Variants in DCAF6 observed in about 807,000 individuals in gnomAD.
DCAF6 encodes the protein DDB1 and CUL4 associated factor 6.
Under a neutral mutation model 125.1 loss-of-function variants are expected in DCAF6, and 54 were observed. The ratio of observed to expected loss-of-function variants is 0.43; its 90% CI spans 0.35 to 0.54. DCAF6 has a LOEUF of 0.54. Ranked by LOEUF, DCAF6 falls within the 20% of genes least tolerant of loss-of-function variation. The pLI is 0.01. For synonymous variants in DCAF6, 371 were observed against 390.4 expected, an observed-to-expected ratio of 0.95 and a Z score of 0.58; for missense variants, 934 against 1,161.7, an observed-to-expected ratio of 0.80 and a Z score of 2.85.
chr1:167,879,105 G>A, the DCAF6 span, among the ~76,000 whole-genome samples: 22 of 152,212 alleles, frequency 1.4e-4, no homozygotes, highest in African/African-American at 4.1e-4. Flanking sequence ...TAGAAGAGGC[G>A]TGCATGGAGG....
intron 11 of DCAF6, among the ~76,000 whole-genome samples, chr1:168,018,481 C>G (rs1177461033): frequency 3.9e-5 from 6 of 152,174 alleles, no homozygotes; most frequent in Non-Finnish European, 7.3e-5. Context: ...CAAGGAGCGA[C>G]TACCCACCTG....
At chr1:168,011,695 A>G (rs1328825177) in intron 10 of DCAF6, among the ~76,000 whole-genome samples, 2 of 152,286 alleles carry the variant, frequency 1.3e-5, no homozygotes, top group East Asian at 3.9e-4. Flanking sequence ...ACAAGTGGAG[A>G]GACCAGGTGT....
At chr1:168,047,184 A>G (rs1293634396) in intron 16 of DCAF6, among the ~76,000 whole-genome samples, 2 of 152,122 alleles carry the variant, frequency 1.3e-5, no homozygotes, top group East Asian at 3.8e-4. Context: ...TAATCTTTCT[A>G]TAGATCTTTA....
chr1:167,900,580 T>C, the DCAF6 span, among the ~76,000 whole-genome samples: 1 of 152,242 alleles, frequency 6.6e-6, no homozygotes, highest in Non-Finnish European at 1.5e-5. Flanking sequence ...TTGCCCAGGC[T>C]GGAGTGCAAT....
chr1:168,042,009 A>C (rs1688604349), intron 13 of DCAF6, among the ~76,000 whole-genome samples: 1 of 151,556 alleles, frequency 6.6e-6, no homozygotes, highest in African/African-American at 2.4e-5. Flanking sequence ...CCTTCCTGAC[A>C]TTTTTCTCTG....
chr1:167,874,199 C>T, the DCAF6 span, among the ~76,000 whole-genome samples: 9 of 152,146 alleles, frequency 5.9e-5, no homozygotes, highest in African/African-American at 2.2e-4. Flanking sequence ...GGCATGGTGG[C>T]GGACACCTGT....
chr1:168,045,751 C>T (rs1689084326), intron 16 of DCAF6, among the ~76,000 whole-genome samples: 1 of 152,080 alleles, frequency 6.6e-6, no homozygotes, highest in South Asian at 2.1e-4. Context: ...AATACCATAG[C>T]AGCAATAAAA....
intron 10 of DCAF6, among the ~76,000 whole-genome samples, chr1:168,005,456 A>G (rs1348303964): frequency 6.6e-6 from 1 of 152,050 alleles, no homozygotes; most frequent in Admixed American, 6.6e-5. Context: ...ATGTGCTAGT[A>G]TTTATAATAG....
At chr1:167,969,933 C>A (rs1462063030) in intron 3 of DCAF6, among the ~76,000 whole-genome samples, 1 of 152,264 alleles carries the variant, frequency 6.6e-6, no homozygotes, top group Middle Eastern at 3.4e-3. Flanking sequence ...TGTGCCACCA[C>A]GCCCGGCTAG....
the DCAF6 span, among the ~76,000 whole-genome samples, chr1:167,926,116 T>A: frequency 6.6e-6 from 1 of 152,232 alleles, no homozygotes; most frequent in East Asian, 1.9e-4. Context: ...CATTATAATG[T>A]TAAACTTTAT....
At chr1:167,881,266 T>C in the DCAF6 span, among the ~76,000 whole-genome samples, 1 of 152,240 alleles carries the variant, frequency 6.6e-6, no homozygotes, top group African/African-American at 2.4e-5. Context: ...ATTTGTAGTA[T>C]TAGTCACTTA....
intron 13 of DCAF6, among the ~76,000 whole-genome samples, chr1:168,039,387 T>C (rs898306415): frequency 6.6e-6 from 1 of 151,426 alleles, no homozygotes; most frequent in Non-Finnish European, 1.5e-5. Context: ...AATGGTCATA[T>C]AGCTTCTCTT....
At chr1:167,874,867 G>A in the DCAF6 span, among the ~76,000 whole-genome samples, 3 of 152,122 alleles carry the variant, frequency 2.0e-5, no homozygotes, top group Non-Finnish European at 4.4e-5. Context: ...TATATAAGCC[G>A]TATATAATTA....
chr1:168,007,519 A>G lies in DCAF6; in HGVS notation c.1378+2726A>G, dbSNP rs557334695. Reference sequence around the variant, plus strand: ...AACCCCCTTTTCCTCTGAAACTTTTAATCAAAGTCACTAGTGACATTCACC... The same window carrying G: ...AACCCCCTTTTCCTCTGAAACTTTTGATCAAAGTCACTAGTGACATTCACC... On this transcript the variant is annotated intron_variant, in intron 10 of 21. Transcript: ENST00000367840. Among the ~76,000 whole-genome samples, 6 of 151,866 alleles carry G rather than the reference A, an allele frequency of 4.0e-5. No homozygotes were observed. In the South Asian group the frequency reaches 1.0e-3, roughly 26 times the overall value.
intron 3 of DCAF6, among the ~76,000 whole-genome samples, chr1:167,972,099 A>G (rs998602599): frequency 2.6e-5 from 4 of 152,176 alleles, no homozygotes; most frequent in Admixed American, 6.5e-5. Flanking sequence ...CAGGTGATCC[A>G]GCTGCCTTGG....
intron 7 of DCAF6, among the ~76,000 whole-genome samples, chr1:168,000,392 C>T (rs1351321729): frequency 6.6e-6 from 1 of 152,092 alleles, no homozygotes. Flanking sequence ...CACCAATAGT[C>T]TTATTCAATG....
Position 168,045,133 on chromosome 1 carries a change from T to A in DCAF6, c.2164T>A (p.Ser722Thr). The change falls in exon 16 of 22, where the codon TCC becomes ACC. Residue 722 changes from serine to threonine, a missense_variant. Coordinates refer to ENST00000367840, the MANE Select transcript of DCAF6 (RefSeq NM_001198956.2). ...ATGPSAHEET[S>T]TRDSALQDTD... ...TGGGCCTTCAGCTCATGAAGAAACA[T>A]CCACCAGGGACTCTGCTCTTCAGGA... 4 of 1,613,940 alleles carry A rather than the reference T, an allele frequency of 2.5e-6. No homozygotes were observed. The highest frequency in any genetic ancestry group is 3.4e-6 in the Non-Finnish European group (4 of 1,179,930).
At chr1:168,003,842 C>T (rs560121287) in intron 8 of DCAF6, 28 bp from the exon 9 acceptor site, 3 of 1,570,112 alleles carry the variant, frequency 1.9e-6, no homozygotes, top group African/African-American at 1.4e-5. Context: ...TATTACTAAA[C>T]TCACTGATAA....
intron 1 of DCAF6, among the ~76,000 whole-genome samples, chr1:167,937,669 G>A (rs1264174544): frequency 2.0e-5 from 3 of 152,176 alleles, no homozygotes; most frequent in African/African-American, 7.2e-5. Flanking sequence ...GGCATTTACA[G>A]TTTCGTAGTT....
Sources: gnomAD v4.1 joint callset for allele counts (sites outside exome capture counted in the v4.1 genomes callset) on GRCh38, gnomAD v4.1.1 for gene constraint, MANE v1.5 for transcripts, NCBI Gene and HGNC (gene_info 2026-07-23, HGNC 2026-07-21) for gene names.